The following MDK variants were observed in gnomAD, a reference collection of about 807,000 sequenced individuals.
The protein encoded by MDK is midkine.
Under a neutral mutation model 18.9 loss-of-function variants are expected in MDK, and 17 were observed. The ratio of observed to expected loss-of-function variants is 0.90; its 90% CI spans 0.62 to 1.35. MDK has a LOEUF of 1.35. Ranked by LOEUF, MDK falls within the 40% of genes most tolerant of loss-of-function variation. The pLI is 0.00. For synonymous variants in MDK, 86 were observed against 74.3 expected (o/e 1.16, Z -0.81); for missense variants, 180 against 186.3 (o/e 0.97, Z 0.20).
At chr11:46,382,193 G>A in intron 2 of MDK, 60 bp downstream of exon 2, 1 of 1,606,474 alleles carries the variant, frequency 6.2e-7, no homozygotes, top group Non-Finnish European at 8.5e-7. Context: ...TCCACTTCTG[G>A]GCTGGGCCGC....
At position 46,382,570 on chromosome 11, in the gene MDK, G is replaced by A. The variant is rs1489905099; in HGVS notation, c.245-17G>A. ...CCGCGGGCCGCGCAGCGCTGACCTGGGCCGCTCTCTCGCCAGCCGACTGCA... is the reference window on the plus strand; with the variant it reads ...CCGCGGGCCGCGCAGCGCTGACCTGAGCCGCTCTCTCGCCAGCCGACTGCA... On this transcript the variant is annotated splice_polypyrimidine_tract_variant and intron_variant, in intron 3 of 4. Transcript: ENST00000395566. 2 of 1,600,704 alleles carry A rather than the reference G, an allele frequency of 1.2e-6. No homozygotes were observed. Among genetic ancestry groups the A allele is most frequent in the Non-Finnish European group, 1.7e-6 (2 of 1,173,286 alleles).
chr11:46,383,706 C>T lies in MDK; in HGVS notation c.*212C>T. 4.4e-6 allele frequency: 3 copies of T among 678,232 alleles called. No homozygotes were observed. The highest frequency in any genetic ancestry group is 3.0e-5 in the South Asian group (2 of 66,302). 42.0% of individuals were successfully genotyped at this position (678,232 alleles called of 1,614,324 possible). A position where few individuals can be genotyped will look rare whatever the true frequency, so the allele number is the denominator to read the frequency against. On this transcript the variant is annotated 3_prime_UTR_variant, in exon 5 of 5. Transcript: ENST00000395566. ...AAGGGATTCTGGGAAGCTTGAGCCT[C>T]CCCCAAAGCAATGTGAGTCCCAGAG...
chr11:46,382,731 CCAAAG>C lies in MDK; in HGVS notation c.395_399del (p.Ala132GlyfsTer102), dbSNP rs748318656. The C allele has an allele frequency of 1.2e-6, 2 of 1,609,144 alleles. No homozygotes were observed. Among genetic ancestry groups the C allele is most frequent in the East Asian group, 2.2e-5 (1 of 44,652 alleles). On this transcript the variant is annotated frameshift_variant, in exon 4 of 5. Transcript: ENST00000395566. LOFTEE classifies it high-confidence loss of function. ...GTCACCAAGCCCTGCACCCCCAAGA[CCAAAG>C]CAAAGGCCAAAGGTCAGCGAAAGGA...
At chr11:46,381,386 G>A (rs1945158703), upstream of MDK, 1 of 153,172 alleles carries the variant, frequency 6.5e-6, no homozygotes, top group Non-Finnish European at 1.5e-5. Context: ...GGAGTGGGCC[G>A]GGGGCCGGTG....
rs1362597586 is a variant in MDK, at chr11:46,382,294, A to G, written c.77A>G (p.Asp26Gly). Residue 26 changes from aspartate to glycine, a missense_variant and splice_region_variant, in exon 3 of 5, where the codon GAT (aspartate) becomes GGT (glycine). By Grantham distance (94) the Asp-to-Gly change is moderately conservative (BLOSUM62 -1). Transcript: ENST00000395566. The part of the protein sequence containing the change: ...ALTSAVAKKK[D>G]KVKKGGPGSE... ...GAACTCTGTTCCTCGCGCGTTGTAG[A>G]TAAGGTGAAGAAGGGCGGCCCGGGG... The G allele has an allele frequency of 2.5e-6, 4 of 1,607,966 alleles. No homozygotes were observed. The highest frequency in any genetic ancestry group is 3.4e-6 in the Non-Finnish European group (4 of 1,178,128).
At chr11:46,382,184 C>T (rs762602687) in intron 2 of MDK, 51 bp downstream of exon 2, 1 of 1,607,652 alleles carries the variant, frequency 6.2e-7, no homozygotes, top group African/African-American at 1.3e-5. Flanking sequence ...CGAGGCCCCT[C>T]CACTTCTGGG....
At position 46,383,710 on chromosome 11, in the gene MDK, C is replaced by T. The variant is rs955658728; in HGVS notation, c.*216C>T. 2 of 677,176 alleles carry T rather than the reference C, an allele frequency of 3.0e-6. No individual in the cohort carries two copies. 41.9% of individuals were successfully genotyped at this position (677,176 alleles called of 1,614,324 possible). A position where few individuals can be genotyped will look rare whatever the true frequency, so the allele number is the denominator to read the frequency against. On this transcript the variant is annotated 3_prime_UTR_variant, in exon 5 of 5. Transcript: ENST00000395566. ...GATTCTGGGAAGCTTGAGCCTCCCC[C>T]AAAGCAATGTGAGTCCCAGAGCCCG... is the stretch of plus-strand genomic sequence containing the variant.
chr11:46,382,557 C>G lies in MDK; in HGVS notation c.245-30C>G, dbSNP rs1227304365. 3 of 1,583,600 alleles carry G rather than the reference C, an allele frequency of 1.9e-6. No individual in the cohort carries two copies. The South Asian group carries it at 3.4e-5, about 18-fold the overall frequency. On this transcript the variant is annotated intron_variant, in intron 3 of 4. Transcript: ENST00000395566. ...GCGGAGGGCGGGGCCGCGGGCCGCG[C>G]AGCGCTGACCTGGGCCGCTCTCTCG...
upstream of MDK, chr11:46,380,888 G>A (rs1945141294): frequency 6.6e-6 from 1 of 152,252 alleles, no homozygotes; most frequent in Admixed American, 6.5e-5. Context: ...GGGCTCTCCC[G>A]GTTTGGGGGA....
At chr11:46,382,787 G>A in intron 4 of MDK, 39 bp downstream of exon 4, 1 of 1,498,492 alleles carries the variant, frequency 6.7e-7, no homozygotes, top group East Asian at 2.6e-5. Context: ...GTCGCGGGGG[G>A]CTGCCCCCCC....
chr11:46,383,121 T>A, intron 4 of MDK: 2 of 416,900 alleles, frequency 4.8e-6, no homozygotes, highest in Non-Finnish European at 4.4e-6. Context: ...AGGCCCACCC[T>A]GGGCCTCTCA....
Position 46,382,582 on chromosome 11 carries a change from G to A in MDK, c.245-5G>A, listed in dbSNP as rs1192227158. The A allele has an allele frequency of 6.2e-7, 1 of 1,606,002 alleles. No individual in the cohort carries two copies. Among genetic ancestry groups the A allele is most frequent in the Non-Finnish European group, 8.5e-7 (1 of 1,176,124 alleles). ...CAGCGCTGACCTGGGCCGCTCTCTC[G>A]CCAGCCGACTGCAAGTACAAGTTTG... On this transcript the variant is annotated splice_polypyrimidine_tract_variant and splice_region_variant and intron_variant, in intron 3 of 4. Transcript: ENST00000395566.
In MDK at chr11:46,381,764, C is replaced by G. The variant is rs1301242656; in HGVS notation, c.-2+6C>G. 3.9e-6 allele frequency: 1 copy of G among 256,522 alleles called. No individual in the cohort carries two copies. The highest frequency in any genetic ancestry group is 6.9e-5 in the East Asian group (1 of 14,406). 15.9% of individuals were successfully genotyped at this position (256,522 alleles called of 1,614,324 possible). A position where few individuals can be genotyped will look rare whatever the true frequency, so the allele number is the denominator to read the frequency against. ...GCAGCGCGGGCAGCGAGCGAGTGAG[C>G]GCGCGGCGGCCCCTGGTCCGCCCGG... On this transcript the variant is annotated splice_donor_region_variant and intron_variant, in intron 1 of 4. Transcript: ENST00000395566.
chr11:46,381,911 C>A (rs1945190800), intron 1 of MDK, 146 bp from the exon 2 acceptor site: 2 of 800,284 alleles, frequency 2.5e-6, no homozygotes. Context: ...CGGCGAGGGG[C>A]CGCCCCAAGT....
chr11:46,382,790 G>GGGGGGGGGGGCGC, intron 4 of MDK, 42 bp downstream of exon 4: 1 of 985,982 alleles, frequency 1.0e-6, no homozygotes, highest in Non-Finnish European at 1.3e-6. Flanking sequence ...GCGGGGGGCT[G>GGGGGGGGGGGCGC]CCCCCCCCCC....
At position 46,382,123 on chromosome 11, in the gene MDK, C is replaced by T; in HGVS notation, c.66C>T (p.Ala22=). The change falls in exon 2 of 5, where the codon GCC becomes GCT. Residue 22 remains alanine, a synonymous_variant. Coordinates refer to ENST00000395566, the MANE Select transcript of MDK (RefSeq NM_002391.6). The part of the protein sequence containing the change: ...LALLALTSAV[A]KKKDKVKKGG... ...TGCTGGCGCTCACCTCCGCGGTCGCCAAAAAGAAAGGTGATGGGGGATGAT... is the reference window on the plus strand; with the variant it reads ...TGCTGGCGCTCACCTCCGCGGTCGCTAAAAAGAAAGGTGATGGGGGATGAT... 6.2e-7 allele frequency: 1 copy of T among 1,611,146 alleles called. No individual in the cohort carries two copies. Among genetic ancestry groups the T allele is most frequent in the Non-Finnish European group, 8.5e-7 (1 of 1,179,228 alleles).
chr11:46,382,020 G>C, intron 1 of MDK, 37 bp from the exon 2 acceptor site: 1 of 1,568,696 alleles, frequency 6.4e-7, no homozygotes, highest in South Asian at 1.2e-5. Context: ...TGGGGAAGGG[G>C]ACGGGCCAGG....
In MDK at chr11:46,382,340, C is replaced by T. The variant is rs1238418604; in HGVS notation, c.123C>T (p.Ala41=). The change falls in exon 3 of 5, where the codon GCC becomes GCT. Residue 41 remains alanine, a synonymous_variant. Transcript: ENST00000395566. ...CGGGGAGCGAGTGCGCTGAGTGGGC[C>T]TGGGGGCCCTGCACCCCCAGCAGCA... ...GGPGSECAEW[A]WGPCTPSSKD... The T allele has an allele frequency of 6.9e-6, 11 of 1,603,820 alleles. No individual in the cohort carries two copies. The highest frequency in any genetic ancestry group is 9.3e-6 in the Non-Finnish European group (11 of 1,176,644).
At chr11:46,382,790 G>GGGGGGGGGGGGGGGGGC in intron 4 of MDK, 42 bp downstream of exon 4, 5 of 985,974 alleles carry the variant, frequency 5.1e-6, no homozygotes, top group Admixed American at 3.6e-5. Flanking sequence ...GCGGGGGGCT[G>GGGGGGGGGGGGGGGGGC]CCCCCCCCCC....
Sources: allele counts gnomAD v4.1 joint callset, GRCh38; gene constraint gnomAD v4.1.1; transcripts MANE v1.5; gene names NCBI Gene and HGNC (gene_info 2026-07-23, HGNC 2026-07-21).